Variants in DHRS12 observed in about 807,000 individuals in gnomAD.
DHRS12 encodes dehydrogenase/reductase 12.
In DHRS12, 29 loss-of-function variants were observed where a neutral mutation model predicts 32.1. That is an observed-to-expected ratio of 0.90 (90% CI 0.67 to 1.23). The LOEUF is 1.23. DHRS12 is among the 50% of genes most tolerant of loss of function. DHRS12 has a pLI of 0.00. For synonymous variants in DHRS12, 150 were observed against 135.9 expected (o/e 1.10, Z -0.72); for missense variants, 330 against 337.2 (o/e 0.98, Z 0.17).
At chr13:51,789,526 A>C (rs993253700) in intron 4 of DHRS12, 25 of 985,156 alleles carry the variant, frequency 2.5e-5, no homozygotes, top group African/African-American at 1.4e-4. Context: ...CTGGTCTGGG[A>C]ACCCCACTTG....
intron 4 of DHRS12, chr13:51,777,477 A>C: frequency 4.0e-6 from 1 of 249,950 alleles, no homozygotes; most frequent in Non-Finnish European, 7.8e-6. Flanking sequence ...AAATTTAGCA[A>C]TACCGCTAAA....
intron 7 of DHRS12, chr13:51,771,377 C>G: frequency 6.2e-7 from 1 of 1,613,856 alleles, no homozygotes; most frequent in Non-Finnish European, 8.5e-7. Context: ...CCAGATCATT[C>G]GAGCTGTGTC....
downstream of DHRS12, chr13:51,763,242 C>T (rs568222931): frequency 1.3e-5 from 2 of 152,268 alleles, no homozygotes; most frequent in African/African-American, 4.8e-5. Flanking sequence ...TGAGACAGGG[C>T]GCTCTCTGGA....
At chr13:51,778,924 TGTGG>T (rs1434526877) in intron 4 of DHRS12, among the ~76,000 whole-genome samples, 1 of 152,174 alleles carries the variant, frequency 6.6e-6, no homozygotes, top group Non-Finnish European at 1.5e-5. Flanking sequence ...TACACATATA[TGTGG>T]GTGTCTGTGT....
rs116360901 is a variant in DHRS12, at chr13:51,781,765, T to C, written c.302-4644A>G. Among the ~76,000 whole-genome samples the C allele has an allele frequency of 4.4e-3, 675 of 152,286 alleles. 4 individuals are homozygous for C. The highest frequency in any genetic ancestry group is 0.015 in the African/African-American group (623 of 41,558). On this transcript the variant is annotated intron_variant, in intron 4 of 8. Transcript: ENST00000444610. ...GGTAGAGGGTAGGGCAATGTGAGGC[T>C]GCAGCCTCCAAGGGCAACGCCAGAG...
At chr13:51,774,227 A>T (rs977938244) in intron 5 of DHRS12, 193 bp from the exon 6 acceptor site, 9 of 558,248 alleles carry the variant, frequency 1.6e-5, no homozygotes, top group Admixed American at 3.1e-5. Context: ...CCTACAGTAC[A>T]TGTATTCTCC....
intron 2 of DHRS12, chr13:51,797,828 G>A (rs1955576904): frequency 6.5e-7 from 1 of 1,534,954 alleles, no homozygotes; most frequent in African/African-American, 1.4e-5. Flanking sequence ...CTGCTCACCT[G>A]GTTACCGCTC....
downstream of DHRS12, chr13:51,764,025 A>G (rs1476829340): frequency 6.6e-6 from 1 of 152,224 alleles, no homozygotes; most frequent in African/African-American, 2.4e-5. Flanking sequence ...TTACCAATAC[A>G]TTCTTATTTT....
chr13:51,776,168 A>C (rs1430022789), intron 5 of DHRS12: 1 of 133,606 alleles, frequency 7.5e-6, no homozygotes, highest in Non-Finnish European at 1.6e-5. Context: ...ATTCTACAGT[A>C]TTCTCCTACA....
chr13:51,794,492 C>T (rs1162628127), intron 2 of DHRS12, among the ~76,000 whole-genome samples: 2 of 152,196 alleles, frequency 1.3e-5, no homozygotes, highest in Non-Finnish European at 1.5e-5. Context: ...TCCACATTGG[C>T]CTGGAAGAGC....
chr13:51,800,933 A>G (rs1784487883), intron 1 of DHRS12, among the ~76,000 whole-genome samples: 1 of 152,234 alleles, frequency 6.6e-6, no homozygotes, highest in South Asian at 2.1e-4. Flanking sequence ...CTTATTCCAA[A>G]GCCTTCCCAA....
chr13:51,776,348 C>T (rs1205181415), intron 5 of DHRS12: 1 of 152,268 alleles, frequency 6.6e-6, no homozygotes, highest in Non-Finnish European at 1.5e-5. Context: ...GGCAGCACTC[C>T]TTGGCTCACA....
intron 4 of DHRS12, among the ~76,000 whole-genome samples, chr13:51,783,811 T>C (rs1954830338): frequency 6.6e-6 from 1 of 152,220 alleles, no homozygotes; most frequent in Non-Finnish European, 1.5e-5. Context: ...TCACTCACAT[T>C]GTTTTGTACA....
chr13:51,772,950 TCAGA>T (rs374397184), intron 6 of DHRS12: 5 of 985,460 alleles, frequency 5.1e-6, no homozygotes, highest in Non-Finnish European at 6.0e-6. Context: ...GCAGAGAGTC[TCAGA>T]CAGGGCCACC....
chr13:51,787,699 TATAA>T (rs1435772984), intron 4 of DHRS12, among the ~76,000 whole-genome samples: 2 of 140,778 alleles, frequency 1.4e-5, no homozygotes, highest in African/African-American at 2.6e-5. Flanking sequence ...TATAAATATA[TATAA>T]ATATATAATT....
downstream of DHRS12, chr13:51,767,938 A>AAAACCATTCTCGAATAAATG: frequency 7.8e-7 from 1 of 1,286,286 alleles, no homozygotes; most frequent in Non-Finnish European, 9.9e-7. Context: ...AATTCTTTAG[A>AAAACCATTCTCGAATAAATG]AAACCATTCT....
At chr13:51,765,813 G>A (rs532608609), downstream of DHRS12, 5 of 152,308 alleles carry the variant, frequency 3.3e-5, no homozygotes, top group East Asian at 9.6e-4. Context: ...GATGGTAAGG[G>A]TGGAAATTAA....
At chr13:51,771,426 A>G (rs1055746850) in intron 7 of DHRS12, 2 of 1,614,018 alleles carry the variant, frequency 1.2e-6, no homozygotes, top group Non-Finnish European at 1.7e-6. Context: ...CATTATTTCC[A>G]AAAACCTGGG....
rs372666606 is a variant in DHRS12 at position 51,771,861 on chromosome 13, G to A, written c.519C>T (p.Ile173=). ...TERWAQGHPA[I]HFSSMHPGWA... is the part of the protein sequence containing the mutation. ...AGCCAGGATGCATGGAAGAAAAATG[G>A]ATGGCCGGGTGCCCTTGGGCCCACC... Residue 173 remains isoleucine, a synonymous_variant, in exon 7 of 9, where the codon ATC becomes ATT. Coordinates refer to ENST00000444610, the MANE Select transcript of DHRS12 (RefSeq NM_001377533.1). 2.3e-5 allele frequency: 37 copies of A among 1,614,150 alleles called. No homozygotes were observed. Among genetic ancestry groups the A allele is most frequent in the Non-Finnish European group, 2.9e-5 (34 of 1,180,010 alleles).
Sources: allele counts gnomAD v4.1 joint callset (sites outside exome capture counted in the v4.1 genomes callset), GRCh38; gene constraint gnomAD v4.1.1; transcripts MANE v1.5; gene names NCBI Gene and HGNC (gene_info 2026-07-23, HGNC 2026-07-21).